GMEB2: variants seen among roughly 807,000 people sequenced by gnomAD.
GMEB2 encodes glucocorticoid modulatory element-binding protein 2.
Under a neutral mutation model 45.7 loss-of-function variants are expected in GMEB2, and 7 were observed. The ratio of observed to expected loss-of-function variants is 0.15; its 90% confidence interval spans 0.09 to 0.29. The LOEUF is 0.29. Among genes scored for constraint, GMEB2 ranks in the 10% least tolerant of loss-of-function variants. The pLI is 1.00. For missense variants in GMEB2, 582 were observed against 739.2 expected (o/e 0.79, Z 2.47); for synonymous variants, 322 against 323.6 (o/e 1.00, Z 0.05).
At chr20:63,596,442 T>G (rs1418642813) in intron 5 of GMEB2, among the ~76,000 whole-genome samples, 1 of 152,222 alleles carries the variant, frequency 6.6e-6, no homozygotes, top group African/African-American at 2.4e-5. Flanking sequence ...CATTCAATCT[T>G]TGGGCAGCAC....
chr20:63,602,153 T>C (rs1019620340), intron 4 of GMEB2, among the ~76,000 whole-genome samples: 4 of 152,252 alleles, frequency 2.6e-5, no homozygotes, highest in Non-Finnish European at 5.9e-5. Flanking sequence ...AAAGTACTTT[T>C]TGTTTGTTTC....
intron 2 of GMEB2, among the ~76,000 whole-genome samples, chr20:63,610,945 A>T (rs768522934): frequency 3.9e-5 from 6 of 152,192 alleles, no homozygotes; most frequent in Admixed American, 1.3e-4. Context: ...GTCCTGGCAG[A>T]TGAGGACCAC....
At chr20:63,614,887 C>CTG (rs1445191777) in intron 2 of GMEB2, among the ~76,000 whole-genome samples, 1 of 152,182 alleles carries the variant, frequency 6.6e-6, no homozygotes, top group Non-Finnish European at 1.5e-5. Context: ...GGTTCACACT[C>CTG]CTTACCCTGC....
chr20:63,590,060 C>T lies in GMEB2; in HGVS notation c.*29G>A. 1 of 1,490,396 alleles carries T rather than the reference C, an allele frequency of 6.7e-7. No homozygotes were observed. The highest frequency in any genetic ancestry group is 8.9e-7 in the Non-Finnish European group (1 of 1,123,632). 92.3% of individuals were successfully genotyped at this position (1,490,396 alleles called of 1,614,324 possible). ...GCGGCTGAGAGACAGCCAGCCCTGTCCGTCCCAGGGGCCTCGCCCTCCTGT... is the reference window on the plus strand; with the variant it reads ...GCGGCTGAGAGACAGCCAGCCCTGTTCGTCCCAGGGGCCTCGCCCTCCTGT... On this transcript the variant is annotated 3_prime_UTR_variant, in exon 10 of 10. Transcript: ENST00000370077.
intron 4 of GMEB2, among the ~76,000 whole-genome samples, chr20:63,600,170 G>C (rs2083231438): frequency 6.6e-6 from 1 of 152,060 alleles, no homozygotes; most frequent in East Asian, 2.0e-4. Context: ...AGCCTCCCGA[G>C]TAGCTGGGAG....
In GMEB2 at chr20:63,619,271, G is replaced by C. The variant is rs1278210612; in HGVS notation, c.127C>G (p.His43Asp). 3 of 1,609,612 alleles carry C rather than the reference G, an allele frequency of 1.9e-6. No individual in the cohort carries two copies. Among genetic ancestry groups the C allele is most frequent in the Non-Finnish European group, 2.5e-6 (3 of 1,178,930 alleles). ...TVLVTTNLAP[H>D]GGDLTEDNME... is the part of the protein sequence containing the mutation. Reference sequence around the variant, plus strand: ...GGCACCGAGGCCCGAGCTTACCCGTGAGGGGCCAAGTTGGTCGTCACCAAC... The same window carrying C: ...GGCACCGAGGCCCGAGCTTACCCGTCAGGGGCCAAGTTGGTCGTCACCAAC... The change falls in exon 2 of 10, where the codon CAC becomes GAC. Residue 43 changes from histidine to aspartate, a missense_variant. His to Asp is a moderately conservative substitution (Grantham distance 81). Transcript: ENST00000370077. This position sits in a 1 kb window ranked among gnomAD's most constrained non-coding sequence, Gnocchi z 4.6.
chr20:63,591,523 G>A (rs2146043147), intron 9 of GMEB2, among the ~76,000 whole-genome samples: 2 of 152,274 alleles, frequency 1.3e-5, no homozygotes, highest in East Asian at 3.9e-4. Flanking sequence ...CTGGAGTGCA[G>A]TGGTGTGATC....
Position 63,619,161 on chromosome 20 carries a change from T to G in GMEB2, c.131+106A>C. 2 of 1,160,944 alleles carry G rather than the reference T, an allele frequency of 1.7e-6. No individual in the cohort carries two copies. The highest frequency in any genetic ancestry group is 2.4e-6 in the Non-Finnish European group (2 of 847,890). 71.9% of individuals were successfully genotyped at this position (1,160,944 alleles called of 1,614,324 possible). ...AGTCCAGTCTCAGAAGAACTGGAAC[T>G]AGAAAAATCCTGACACTTGTCCCTT... On this transcript the variant is annotated intron_variant, in intron 2 of 9. Transcript: ENST00000370077. The surrounding 1 kb of genome is among the most constrained non-coding windows in gnomAD (Gnocchi z 4.6).
chr20:63,600,587 G>A (rs2083234801), intron 4 of GMEB2, among the ~76,000 whole-genome samples: 1 of 151,532 alleles, frequency 6.6e-6, no homozygotes, highest in Non-Finnish European at 1.5e-5. Flanking sequence ...GCATGGTGGT[G>A]GGTGCCCGTA....
At position 63,619,326 on chromosome 20, in the gene GMEB2, G is replaced by A. The variant is rs775670456; in HGVS notation, c.72C>T (p.Asp24=). 14 of 1,612,818 alleles carry A rather than the reference G, an allele frequency of 8.7e-6. No individual in the cohort carries two copies. The highest frequency in any genetic ancestry group is 6.7e-5 in the East Asian group (3 of 44,860). ...VVVTTPDTAV[D]GSGVEGVKTV... ...TCTTCACCCCCTCCACACCACTGCCGTCCACTGCAGTGTCCGGAGTTGTCA... is the reference window on the plus strand; with the variant it reads ...TCTTCACCCCCTCCACACCACTGCCATCCACTGCAGTGTCCGGAGTTGTCA... Residue 24 remains aspartate (D), a synonymous_variant, in exon 2 of 10, where the codon GAC becomes GAT. Coordinates refer to ENST00000370077, the MANE Select transcript of GMEB2 (RefSeq NM_012384.5). This position sits in a 1 kb window ranked among gnomAD's most constrained non-coding sequence, Gnocchi z 4.6.
In GMEB2 at chr20:63,613,646, A is replaced by C. The variant is rs192184320; in HGVS notation, c.131+5621T>G. ...GCAATTCTCCTGCTGCAGCCTCCCA[A>C]CTGGATTACAGGCGCCCGCCACCAC... On this transcript the variant is annotated intron_variant, in intron 2 of 9. Transcript: ENST00000370077. 1.3e-3 allele frequency among the ~76,000 whole-genome samples: 199 copies of C among 151,268 alleles called. 2 individuals are homozygous for C. The highest frequency in any genetic ancestry group is 4.6e-3 in the African/African-American group (190 of 41,256).
intron 2 of GMEB2, among the ~76,000 whole-genome samples, chr20:63,616,013 T>A (rs2089605947): frequency 1.3e-5 from 2 of 152,264 alleles, no homozygotes. Flanking sequence ...TGCTTATCAG[T>A]ATTTTCTAAT....
In GMEB2 at chr20:63,590,230, G is replaced by A. The variant is rs757579300; in HGVS notation, c.1452C>T (p.Gly484=). ...PLQLLTLPGL[G]PTLQNVAQAS... ...CCTGGGCCACGTTCTGCAGGGTGGG[G>A]CCCAGGCCAGGCAACGTGAGCAGCT... is the stretch of plus-strand genomic sequence containing the variant. Residue 484 remains glycine, a synonymous_variant, in exon 10 of 10, where the codon GGC becomes GGT. Transcript: ENST00000370077. The A allele has an allele frequency of 1.9e-5, 30 of 1,611,444 alleles. No individual in the cohort carries two copies. Among genetic ancestry groups the A allele is most frequent in the Non-Finnish European group, 2.5e-5 (30 of 1,179,628 alleles).
intron 5 of GMEB2, 51 bp downstream of exon 5, chr20:63,597,706 A>G (rs1212845286): frequency 5.0e-6 from 5 of 996,164 alleles, no homozygotes; most frequent in Non-Finnish European, 8.1e-6. Context: ...AGAAAGCAAG[A>G]GCTGCCAGGG....
intron 4 of GMEB2, among the ~76,000 whole-genome samples, chr20:63,601,878 T>G (rs1466393027): frequency 1.7e-4 from 24 of 138,122 alleles, no homozygotes; most frequent in African/African-American, 5.3e-4. Flanking sequence ...GCTTCCGTGC[T>G]GCCTGTGGCT....
At chr20:63,611,871 C>T (rs1357331507) in intron 2 of GMEB2, among the ~76,000 whole-genome samples, 1 of 151,806 alleles carries the variant, frequency 6.6e-6, no homozygotes, top group Non-Finnish European at 1.5e-5. Flanking sequence ...GTGGCACATG[C>T]CTGCAGTCCC....
chr20:63,604,866 T>C (rs1270427353), intron 2 of GMEB2, 26 bp from the exon 3 acceptor site: 3 of 1,349,774 alleles, frequency 2.2e-6, no homozygotes, highest in Non-Finnish European at 2.1e-6. Flanking sequence ...GAGGAGAGAA[T>C]AGAATCAGGA....
In GMEB2 at chr20:63,619,162, A is replaced by G. The variant is rs1247390350; in HGVS notation, c.131+105T>C. ...GTCCAGTCTCAGAAGAACTGGAACT[A>G]GAAAAATCCTGACACTTGTCCCTTA... On this transcript the variant is annotated intron_variant, in intron 2 of 9. Coordinates refer to ENST00000370077, the MANE Select transcript of GMEB2 (RefSeq NM_012384.5). The surrounding 1 kb of genome is among the most constrained non-coding windows in gnomAD (Gnocchi z 4.6). The G allele has an allele frequency of 8.6e-7, 1 of 1,163,322 alleles. No homozygotes were observed. 72.1% of individuals were successfully genotyped at this position (1,163,322 alleles called of 1,614,324 possible). A position where few individuals can be genotyped will look rare whatever the true frequency, so the allele number is the denominator to read the frequency against.
rs1569047768 is a variant in GMEB2, at chr20:63,592,579, C to T, written c.783G>A (p.Met261Ile). Residue 261 changes from methionine (M) to isoleucine (I), a missense_variant, in exon 8 of 10, where the codon ATG becomes ATA. Met to Ile is a conservative substitution (Grantham distance 10). Around this residue, in one of 3 missense-constraint regions of GMEB2, gnomAD observed 462 missense variants for 586.7 expected, o/e 0.79. Coordinates refer to ENST00000370077, the MANE Select transcript of GMEB2 (RefSeq NM_012384.5). This position sits in a 1 kb window ranked among gnomAD's most constrained non-coding sequence, Gnocchi z 8.2. The part of the protein sequence containing the change: ...QEFHQELVET[M>I]RGLQQRVQDP... Reference sequence around the variant, plus strand: ...CCTGGACCCGCTGCTGCAGGCCTCTCATGGTCTCCACCAGCTCCTGGTGGA... The same window carrying T: ...CCTGGACCCGCTGCTGCAGGCCTCTTATGGTCTCCACCAGCTCCTGGTGGA... 5.6e-6 allele frequency: 9 copies of T among 1,612,584 alleles called. No homozygotes were observed. Among genetic ancestry groups the T allele is most frequent in the Non-Finnish European group, 7.6e-6 (9 of 1,178,742 alleles).
Sources: allele counts gnomAD v4.1 joint callset (sites outside exome capture counted in the v4.1 genomes callset), GRCh38; gene constraint gnomAD v4.1.1; regional missense constraint gnomAD v4.1.1; non-coding constraint Gnocchi (gnomAD v3.1); transcripts MANE v1.5; gene names NCBI Gene and HGNC (gene_info 2026-07-23, HGNC 2026-07-21).